IPO7: variants seen among roughly 807,000 people sequenced by gnomAD.
IPO7 encodes importin-7.
In IPO7, 13 loss-of-function variants were observed where a neutral mutation model predicts 136.4. The observed-to-expected ratio is 0.10, with a 90% CI of 0.06 to 0.15. IPO7 has a LOEUF of 0.15. Ranked by LOEUF, IPO7 falls within the 10% of genes least tolerant of loss-of-function variation. The pLI is 1.00. For synonymous variants in IPO7, 403 were observed against 404.4 expected, an observed-to-expected ratio of 1.00 and a Z score of 0.04; for missense variants, 857 against 1,240.6, an observed-to-expected ratio of 0.69 and a Z score of 4.65.
Position 9,409,225 on chromosome 11 carries a change from C to G in IPO7, c.320+586C>G, listed in dbSNP as rs540114810. 1.2e-3 allele frequency among the ~76,000 whole-genome samples: 186 copies of G among 152,070 alleles called. 1 individual carries two copies. Among genetic ancestry groups the G allele is most frequent in the African/African-American group, 4.3e-3 (180 of 41,458 alleles). On this transcript the variant is annotated intron_variant, in intron 3 of 24. Transcript: ENST00000379719. ...CTGGGATCAAGCAATCCTCCTGCCTCAGTCTCCCGAGTAGCTGGGATTACA... is the reference window on the plus strand; with the variant it reads ...CTGGGATCAAGCAATCCTCCTGCCTGAGTCTCCCGAGTAGCTGGGATTACA...
intron 2 of IPO7, among the ~76,000 whole-genome samples, chr11:9,404,458 C>A (rs1854849001): frequency 1.3e-5 from 2 of 151,358 alleles, no homozygotes; most frequent in African/African-American, 4.9e-5. Flanking sequence ...GAGTGAGAGA[C>A]CATCTCAAAA....
intron 16 of IPO7, among the ~76,000 whole-genome samples, chr11:9,431,416 TTTC>T (rs991440491): frequency 5.9e-5 from 9 of 152,132 alleles, no homozygotes; most frequent in African/African-American, 2.2e-4. Flanking sequence ...TCTTCCTAGT[TTTC>T]TTCTTTTCTA....
chr11:9,407,870 A>T, intron 2 of IPO7, among the ~76,000 whole-genome samples: 1 of 152,220 alleles, frequency 6.6e-6, no homozygotes, highest in East Asian at 1.9e-4. Context: ...GGATTTTACC[A>T]CTTCATCAGT....
At chr11:9,397,341 A>AAAAAAAAAAAAAAAAATATATATATAT in intron 1 of IPO7, among the ~76,000 whole-genome samples, 7 of 10,754 alleles carry the variant, frequency 6.5e-4, no homozygotes, top group Non-Finnish European at 1.1e-3. Flanking sequence ...TTTAAAAAAA[A>AAAAAAAAAAAAAAAAATATATATATAT]ATATATATAT....
intron 1 of IPO7, chr11:9,402,900 A>G (rs1854822666): frequency 4.7e-6 from 1 of 213,980 alleles, no homozygotes; most frequent in Admixed American, 6.0e-5. Context: ...ACCTGTATGT[A>G]GTCTCAGCTA....
chr11:9,425,372 T>G (rs556404098), intron 12 of IPO7, 110 bp downstream of exon 12: 8 of 701,390 alleles, frequency 1.1e-5, no homozygotes, highest in Non-Finnish European at 2.0e-5. Flanking sequence ...TTCGGGATGC[T>G]GAGGCAGGCA....
In IPO7 at chr11:9,409,928, G is replaced by A. The variant is rs144766309; in HGVS notation, c.321G>A (p.Arg107=). The change falls in exon 4 of 25, where the codon AGG becomes AGA. Residue 107 remains arginine (R), a splice_region_variant and synonymous_variant. Coordinates refer to ENST00000379719, the MANE Select transcript of IPO7 (RefSeq NM_006391.3). The stretch of plus-strand genomic sequence containing the variant: ...CTTACTGTTTTTTTTTGGCTTCCAG[G>A]GTACAGCTTACTACATGCATTCATC... ...EAIIHSPELI[R]VQLTTCIHHI... is the part of the protein sequence containing the mutation. The A allele has an allele frequency of 2.6e-4, 399 of 1,510,748 alleles. No individual in the cohort carries two copies. The highest frequency in any genetic ancestry group is 3.7e-4 in the Middle Eastern group (2 of 5,448). The allele number at this position is 1,510,748 out of a possible 1,614,324, so 93.6% of individuals were successfully genotyped here.
At chr11:9,437,182 C>T (rs1220505916) in intron 20 of IPO7, among the ~76,000 whole-genome samples, 9 of 151,734 alleles carry the variant, frequency 5.9e-5, no homozygotes, top group East Asian at 1.9e-4. Flanking sequence ...CCACGTCACC[C>T]GGCCCACGGT....
At chr11:9,439,864 C>T (rs542577115) in intron 22 of IPO7, among the ~76,000 whole-genome samples, 28 of 152,296 alleles carry the variant, frequency 1.8e-4, no homozygotes, top group Admixed American at 3.3e-4. Flanking sequence ...TGAGCCACCG[C>T]GCCCGGCGAA....
chr11:9,384,720 C>A lies in IPO7; in HGVS notation c.-44C>A. The A allele has an allele frequency of 1.3e-6, 2 of 1,494,062 alleles. No homozygotes were observed. The highest frequency in any genetic ancestry group is 1.2e-5 in the South Asian group (1 of 82,962). 92.6% of individuals were successfully genotyped at this position (1,494,062 alleles called of 1,614,324 possible). A position where few individuals can be genotyped will look rare whatever the true frequency, so the allele number is the denominator to read the frequency against. ...GCGCAGTGAGTGGCGCTATTCCTGG[C>A]CCAGTAGCACCCGAGCCCCGGGTTT... On this transcript the variant is annotated 5_prime_UTR_variant, in exon 1 of 25. Coordinates refer to ENST00000379719, the MANE Select transcript of IPO7 (RefSeq NM_006391.3).
chr11:9,420,194 G>A (rs1474435053), intron 6 of IPO7: 4 of 485,430 alleles, frequency 8.2e-6, no homozygotes, highest in Non-Finnish European at 7.2e-6. Flanking sequence ...GCGGCCACCT[G>A]TAGTCCCAGC....
intron 11 of IPO7, 54 bp downstream of exon 11, chr11:9,425,044 A>G: frequency 7.4e-7 from 1 of 1,349,508 alleles, no homozygotes; most frequent in East Asian, 2.3e-5. Context: ...AATTTATTCA[A>G]CTATACACTT....
At chr11:9,419,545 T>TAAAAAAAAAA (rs1178586532) in intron 6 of IPO7, among the ~76,000 whole-genome samples, 4 of 91,712 alleles carry the variant, frequency 4.4e-5, no homozygotes, top group African/African-American at 1.4e-4. Flanking sequence ...AGACTCTGTC[T>TAAAAAAAAAA]AAAAAAAAAA....
rs180853279 is a variant in IPO7 at position 9,393,689 on chromosome 11, C to T, written c.84+8842C>T. On this transcript the variant is annotated intron_variant, in intron 1 of 24. Transcript: ENST00000379719. The stretch of plus-strand genomic sequence containing the variant: ...TGAGCCACCACACCAGGCCTAATTT[C>T]CTTTTTCTTACATAGATTTAATAAA... Among the ~76,000 whole-genome samples the T allele has an allele frequency of 5.9e-5, 9 of 151,392 alleles. No homozygotes were observed. In the East Asian group the frequency reaches 1.6e-3, roughly 27 times the overall value.
chr11:9,431,119 A>T (rs1590448877), intron 16 of IPO7, 116 bp downstream of exon 16: 1 of 708,778 alleles, frequency 1.4e-6, no homozygotes, highest in South Asian at 2.1e-5. Context: ...TTTTATAAAG[A>T]TAAGATTGGT....
At chr11:9,423,596 C>G (rs980239652) in intron 9 of IPO7, among the ~76,000 whole-genome samples, 181 bp from the exon 10 acceptor site, 1 of 152,050 alleles carries the variant, frequency 6.6e-6, no homozygotes, top group African/African-American at 2.4e-5. Context: ...TTACTTGTTA[C>G]AGAAAGGGGA....
In IPO7 at chr11:9,424,951, C is replaced by T. The variant is rs765771898; in HGVS notation, c.1179C>T (p.Ala393=). Residue 393 remains alanine (A), a synonymous_variant, in exon 11 of 25, where the codon GCC becomes GCT. Transcript: ENST00000379719. The part of the protein sequence containing the change: ...FEDFISPTTA[A]QTLLFTACSK... ...ATTTCATTTCTCCTACCACTGCTGC[C>T]CAGACACTTTTGTTTACAGCCTGTA... 1 of 1,591,616 alleles carries T rather than the reference C, an allele frequency of 6.3e-7. No homozygotes were observed. Among genetic ancestry groups the T allele is most frequent in the South Asian group, 1.2e-5 (1 of 86,624 alleles).
At chr11:9,412,927 G>A (rs1217804412) in intron 4 of IPO7, among the ~76,000 whole-genome samples, 1 of 127,414 alleles carries the variant, frequency 7.8e-6, no homozygotes, top group Non-Finnish European at 1.6e-5. Flanking sequence ...GTCTCTCTCT[G>A]TTGCCTAGGC....
intron 9 of IPO7, 129 bp downstream of exon 9, chr11:9,423,269 A>G (rs1452640335): frequency 1.8e-6 from 1 of 550,788 alleles, no homozygotes; most frequent in African/African-American, 1.9e-5. Context: ...TTGTTTTGAG[A>G]GTATAGCAGA....
Sources: allele counts gnomAD v4.1 joint callset (sites outside exome capture counted in the v4.1 genomes callset), GRCh38; gene constraint gnomAD v4.1.1; transcripts MANE v1.5; gene names NCBI Gene and HGNC (gene_info 2026-07-23, HGNC 2026-07-21).